The following GFRA1 variants were observed in gnomAD, a reference collection of about 807,000 sequenced individuals.
The protein encoded by GFRA1 is GDNF family receptor alpha-1.
A neutral mutation model predicts 51.6 loss-of-function variants in GFRA1; 16 were observed. The ratio of observed to expected loss-of-function variants is 0.31; its 90% CI spans 0.21 to 0.47. GFRA1 has a LOEUF of 0.47. GFRA1 is among the 20% of genes least tolerant of loss of function. GFRA1 has a pLI of 1.00. For missense variants in GFRA1, 530 were observed against 594.3 expected (o/e 0.89, Z 1.13); for synonymous variants, 270 against 241.3 (o/e 1.12, Z -1.10).
In GFRA1 at chr10:116,062,328, CACTT is replaced by C. The variant is rs772159164; in HGVS notation, c.*2066_*2069del. 2.6e-4 allele frequency: 101 copies of C among 391,838 alleles called. No homozygotes were observed. Among genetic ancestry groups the C allele is most frequent in the African/African-American group, 7.2e-4 (35 of 48,636 alleles). The allele number at this position is 391,838 out of a possible 1,614,324, so 24.3% of individuals were successfully genotyped here. On this transcript the variant is annotated 3_prime_UTR_variant, in exon 11 of 11. Coordinates refer to ENST00000355422, the MANE Select transcript of GFRA1 (RefSeq NM_005264.8). ...AACTGGCATTCCAAATATTTTGACA[CACTT>C]ACTTAATGTGTTTATTCAAAGTAAG...
At chr10:116,110,294 G>A (rs1565582312) in intron 6 of GFRA1, among the ~76,000 whole-genome samples, 1 of 152,036 alleles carries the variant, frequency 6.6e-6, no homozygotes, top group Admixed American at 6.5e-5. Context: ...TGGGCTATGG[G>A]CTTTAATCCT....
intron 5 of GFRA1, among the ~76,000 whole-genome samples, chr10:116,168,077 T>C (rs987814203): frequency 6.6e-6 from 1 of 152,094 alleles, no homozygotes; most frequent in Non-Finnish European, 1.5e-5. Context: ...AAACCACTTG[T>C]ATCCTATTAA....
chr10:116,206,451 A>G (rs1159010636), intron 5 of GFRA1, among the ~76,000 whole-genome samples: 1 of 152,120 alleles, frequency 6.6e-6, no homozygotes, highest in Non-Finnish European at 1.5e-5. Flanking sequence ...GCCCACCCCG[A>G]CAATTAACAG....
chr10:116,088,655 AC>A (rs969040251), intron 9 of GFRA1, among the ~76,000 whole-genome samples: 4 of 152,098 alleles, frequency 2.6e-5, no homozygotes, highest in Admixed American at 1.3e-4. Flanking sequence ...GCGCGGTGGC[AC>A]AAGCCTGTAA....
intron 4 of GFRA1, among the ~76,000 whole-genome samples, chr10:116,235,286 A>G (rs1966854181): frequency 6.6e-6 from 1 of 152,188 alleles, no homozygotes; most frequent in South Asian, 2.1e-4. Flanking sequence ...ATGGTTAGCT[A>G]GAGTATTTTT....
At chr10:116,135,707 G>A (rs1367442673) in intron 5 of GFRA1, among the ~76,000 whole-genome samples, 1 of 152,126 alleles carries the variant, frequency 6.6e-6, no homozygotes, top group Admixed American at 6.5e-5. Flanking sequence ...AGATTTGTTT[G>A]GAAAATGTAT....
At chr10:116,150,056 G>C (rs190253357) in intron 5 of GFRA1, among the ~76,000 whole-genome samples, 6 of 152,056 alleles carry the variant, frequency 3.9e-5, no homozygotes, top group African/African-American at 1.4e-4. Flanking sequence ...TTCTTCTTTC[G>C]ACACTGTTCC....
At chr10:116,229,143 A>G (rs1966523101) in intron 4 of GFRA1, among the ~76,000 whole-genome samples, 1 of 152,138 alleles carries the variant, frequency 6.6e-6, no homozygotes, top group Admixed American at 6.6e-5. Flanking sequence ...GGCCTACAGA[A>G]CTATACACTA....
rs903968709 is a variant in GFRA1, at chr10:116,196,164, T to C, written c.433+15467A>G. On this transcript the variant is annotated intron_variant, in intron 5 of 10. Coordinates refer to ENST00000355422, the MANE Select transcript of GFRA1 (RefSeq NM_005264.8). ...CTACTGTATTTGCTTAATAGGACTA[T>C]TGCAACAAATTTACAAATTTGATGT... Among the ~76,000 whole-genome samples the C allele has an allele frequency of 2.7e-5, 4 of 148,584 alleles. No homozygotes were observed. In the South Asian group the frequency reaches 6.4e-4, roughly 24 times the overall value.
At chr10:116,214,099 AT>A (rs1400214168) in intron 4 of GFRA1, among the ~76,000 whole-genome samples, 2 of 122,910 alleles carry the variant, frequency 1.6e-5, no homozygotes, top group Admixed American at 9.2e-5. Flanking sequence ...CTCCCTAAAT[AT>A]ACCACTTTCA....
Position 116,251,963 on chromosome 10 carries a change from CTTTTTT to C in GFRA1, c.418+17534_418+17539del, listed in dbSNP as rs3032041. 5.7e-3 allele frequency among the ~76,000 whole-genome samples: 458 copies of C among 79,812 alleles called. 2 individuals carry two copies. Among genetic ancestry groups the C allele is most frequent in the African/African-American group, 0.02 (433 of 21,648 alleles). The allele number at this position is 79,812 out of a possible 152,430, so 52.4% of individuals were successfully genotyped here. A position where few individuals can be genotyped will look rare whatever the true frequency, so the allele number is the denominator to read the frequency against. On this transcript the variant is annotated intron_variant, in intron 4 of 10. Coordinates refer to ENST00000355422, the MANE Select transcript of GFRA1 (RefSeq NM_005264.8). ...AGAGGACACAGACAACAATAGGCCT[CTTTTTT>C]TTTTTTTTTTTTTTTTTTTTTACAA...
intron 9 of GFRA1, among the ~76,000 whole-genome samples, chr10:116,082,880 GC>G: frequency 6.6e-6 from 1 of 152,152 alleles, no homozygotes; most frequent in East Asian, 1.9e-4. Context: ...TTCCTTTCTG[GC>G]CCCAGCCTCC....
chr10:116,143,129 C>T (rs759481913), intron 5 of GFRA1, among the ~76,000 whole-genome samples: 31 of 152,106 alleles, frequency 2.0e-4, no homozygotes, highest in Non-Finnish European at 3.5e-4. Flanking sequence ...GAGGTGGGGA[C>T]GATCCCAGCT....
chr10:116,173,108 C>CT (rs1252365002), intron 5 of GFRA1, among the ~76,000 whole-genome samples: 8 of 152,152 alleles, frequency 5.3e-5, no homozygotes, highest in Non-Finnish European at 1.0e-4. Context: ...GCAAGTACTT[C>CT]TTTTTTTAAA....
At chr10:116,115,933 T>C (rs1219498685) in intron 6 of GFRA1, among the ~76,000 whole-genome samples, 1 of 152,100 alleles carries the variant, frequency 6.6e-6, no homozygotes, top group Admixed American at 6.5e-5. Context: ...GGAGATCAGC[T>C]GAGGTCTCCC....
intron 4 of GFRA1, among the ~76,000 whole-genome samples, chr10:116,215,196 A>C (rs1029161253): frequency 3.9e-5 from 6 of 152,194 alleles, no homozygotes; most frequent in Admixed American, 2.0e-4. Flanking sequence ...TTCCAGAATG[A>C]AACAGCGATC....
At chr10:116,216,065 C>A (rs1051325353) in intron 4 of GFRA1, among the ~76,000 whole-genome samples, 1 of 152,136 alleles carries the variant, frequency 6.6e-6, no homozygotes, top group South Asian at 2.1e-4. Flanking sequence ...CCCCTTCCCC[C>A]ACAGCTACTA....
At chr10:116,206,483 C>A (rs1189837866) in intron 5 of GFRA1, among the ~76,000 whole-genome samples, 1 of 152,084 alleles carries the variant, frequency 6.6e-6, no homozygotes, top group Non-Finnish European at 1.5e-5. Context: ...CTGCCAGAAA[C>A]CAAACTATGA....
intron 4 of GFRA1, among the ~76,000 whole-genome samples, chr10:116,246,700 G>A (rs1418923230): frequency 6.6e-6 from 1 of 152,094 alleles, no homozygotes; most frequent in Non-Finnish European, 1.5e-5. Flanking sequence ...AAGCAAAATA[G>A]CAATTAGTAA....
Sources: allele counts gnomAD v4.1 joint callset (sites outside exome capture counted in the v4.1 genomes callset), GRCh38; gene constraint gnomAD v4.1.1; transcripts MANE v1.5; gene names NCBI Gene and HGNC (gene_info 2026-07-23, HGNC 2026-07-21).